The following MOSPD2 variants were observed in gnomAD, a reference collection of about 807,000 sequenced individuals.
MOSPD2 encodes the protein motile sperm domain containing 2.
Under a neutral mutation model 41.7 loss-of-function variants are expected in MOSPD2, and 5 were observed. That is an observed-to-expected ratio of 0.12 (90% CI 0.06 to 0.25). The LOEUF is 0.25. MOSPD2 is among the 10% of genes least tolerant of loss of function. The pLI is 1.00. For synonymous variants in MOSPD2, 115 were observed against 126.9 expected (o/e 0.91, Z 0.63); for missense variants, 282 against 375.2 (o/e 0.75, Z 2.05).
intron 7 of MOSPD2, among the ~76,000 whole-genome samples, chrX:14,904,244 G>A (rs1040129903): frequency 2.7e-5 from 3 of 111,586 alleles, no homozygotes; most frequent in Admixed American, 9.6e-5. Flanking sequence ...AGCCCTCAAC[G>A]AAGTACTAGC....
chrX:14,888,754 G>A (rs1382430698), intron 2 of MOSPD2, among the ~76,000 whole-genome samples: 1 of 107,992 alleles, frequency 9.3e-6, no homozygotes, highest in East Asian at 2.8e-4. Context: ...TCAAAAAAAT[G>A]TCCTAGGGGT....
At position 14,912,341 on chromosome X, in the gene MOSPD2, A is replaced by C. The variant is rs2092593388; in HGVS notation, c.972A>C (p.Lys324Asn). ...KAFKKPLSVF[K>N]GPLLHISPAE... is the part of the protein sequence containing the mutation. ...TCAAGAAACCATTGAGTGTATTTAA[A>C]GGCCCCTTACTACACATCAGGTAAT... The change falls in exon 10 of 15, where the codon AAA becomes AAC. Residue 324 changes from lysine (K) to asparagine (N), a missense_variant. Physicochemically the swap from Lys to Asn is moderately conservative, Grantham distance 94. Around this residue, in one of 3 missense-constraint regions of MOSPD2, gnomAD observed 187 missense variants for 256.6 expected, o/e 0.73. Coordinates refer to ENST00000380492, the MANE Select transcript of MOSPD2 (RefSeq NM_152581.4). The C allele has an allele frequency of 8.6e-7, 1 of 1,160,766 alleles. No homozygotes were observed. The highest frequency in any genetic ancestry group is 1.2e-6 in the Non-Finnish European group (1 of 865,755).
At position 14,905,475 on chromosome X, in the gene MOSPD2, C is replaced by T. The variant is rs534748175; in HGVS notation, c.577+2471C>T. Among the ~76,000 whole-genome samples, 6 of 110,195 alleles carry T rather than the reference C, an allele frequency of 5.4e-5. No homozygotes were observed. The South Asian group carries it at 2.0e-3, about 36-fold the overall frequency. Reference sequence around the variant, plus strand: ...GTATAGTATTTGCATGTAACTGACACACGTCTTCCTGTATACCTTTTTTTT... The same window carrying T: ...GTATAGTATTTGCATGTAACTGACATACGTCTTCCTGTATACCTTTTTTTT... On this transcript the variant is annotated intron_variant, in intron 7 of 14. Coordinates refer to ENST00000380492, the MANE Select transcript of MOSPD2 (RefSeq NM_152581.4).
chrX:14,880,500 T>G (rs1260346873), intron 2 of MOSPD2, among the ~76,000 whole-genome samples: 1 of 112,179 alleles, frequency 8.9e-6, no homozygotes, highest in African/African-American at 3.2e-5. Context: ...GCTGGAACTT[T>G]TATAACACTG....
In MOSPD2 at chrX:14,892,839, G is replaced by A. The variant is rs771780826; in HGVS notation, c.196G>A (p.Asp66Asn). The A allele has an allele frequency of 1.2e-5, 15 of 1,205,779 alleles. No individual in the cohort carries two copies. The highest frequency in any genetic ancestry group is 5.3e-5 in the South Asian group (3 of 56,524). Residue 66 changes from aspartate to asparagine, a missense_variant, in exon 3 of 15, where the codon GAT becomes AAT. Asp to Asn is a conservative substitution (Grantham distance 23). This residue lies in a region of MOSPD2 where 187 missense variants were observed against 256.6 expected (regional missense o/e 0.73). Coordinates refer to ENST00000380492, the MANE Select transcript of MOSPD2 (RefSeq NM_152581.4). ...TGTAGATGAAACACTGAAGATGCTCGATGAGAGTTTTCAGTGGAGGAAAGA... is the reference window on the plus strand; with the variant it reads ...TGTAGATGAAACACTGAAGATGCTCAATGAGAGTTTTCAGTGGAGGAAAGA... Reference protein sequence around the residue: ...NIVDETLKMLDESFQWRKEIS... With the variant: ...NIVDETLKMLNESFQWRKEIS...
chrX:14,900,479 T>C, intron 5 of MOSPD2, 96 bp from the exon 6 acceptor site: 1 of 365,474 alleles, frequency 2.7e-6, no homozygotes, highest in Non-Finnish European at 4.8e-6. Flanking sequence ...AATTTAATAA[T>C]TGTCTCACTT....
intron 12 of MOSPD2, 91 bp downstream of exon 12, chrX:14,915,855 G>T (rs1801142451): frequency 1.3e-6 from 1 of 777,963 alleles, no homozygotes; most frequent in African/African-American, 2.1e-5. Context: ...GAGATGTCAG[G>T]CTAGAATCTA....
chrX:14,891,932 C>A (rs2092554751), intron 2 of MOSPD2, among the ~76,000 whole-genome samples: 1 of 111,604 alleles, frequency 9.0e-6, no homozygotes, highest in Non-Finnish European at 1.9e-5. Flanking sequence ...TTAGTTATTT[C>A]TTTACATATG....
At chrX:14,894,316 A>ATTTTTTTTTT (rs759189386) in intron 3 of MOSPD2, among the ~76,000 whole-genome samples, 1 of 66,534 alleles carries the variant, frequency 1.5e-5, no homozygotes, top group Non-Finnish European at 2.7e-5. Flanking sequence ...TTATTGATTG[A>ATTTTTTTTTT]TTTTTTTTTT....
intron 7 of MOSPD2, among the ~76,000 whole-genome samples, chrX:14,906,283 T>C (rs906517277): frequency 5.4e-5 from 6 of 111,845 alleles, no homozygotes; most frequent in African/African-American, 1.9e-4. Context: ...ATATAAACCC[T>C]AATGTTTATT....
intron 5 of MOSPD2, among the ~76,000 whole-genome samples, chrX:14,898,886 C>T (rs2092567429): frequency 9.1e-6 from 1 of 110,462 alleles, no homozygotes; most frequent in African/African-American, 3.3e-5. Flanking sequence ...ATAAATGACC[C>T]TTTCATGAGT....
At chrX:14,919,330 T>A (rs2147506472) in intron 14 of MOSPD2, among the ~76,000 whole-genome samples, 1 of 112,219 alleles carries the variant, frequency 8.9e-6, no homozygotes, top group African/African-American at 3.2e-5. Context: ...TAATTCAGTC[T>A]TGCAGAAAAA....
At position 14,895,393 on chromosome X, in the gene MOSPD2, G is replaced by A. The variant is rs201345517; in HGVS notation, c.321G>A (p.Leu107=). The change falls in exon 4 of 15, where the codon TTG becomes TTA. Residue 107 remains leucine, a splice_region_variant and synonymous_variant. Coordinates refer to ENST00000380492, the MANE Select transcript of MOSPD2 (RefSeq NM_152581.4). ...GTTATGACAAAGAAGGTAACAAATT[G>A]TGTAAGTATATTTAATTTATGTTCT... ...LHGYDKEGNK[L]FWIRVKYHVK... is the part of the protein sequence containing the mutation. The A allele has an allele frequency of 1.3e-5, 13 of 1,020,018 alleles. No homozygotes were observed. Among genetic ancestry groups the A allele is most frequent in the Non-Finnish European group, 1.8e-5 (13 of 732,245 alleles). The allele number at this position is 1,020,018 out of a possible 1,213,427, so 84.1% of individuals were successfully genotyped here.
In MOSPD2 at chrX:14,911,218, T is replaced by G. The variant is rs1402658942; in HGVS notation, c.703-19T>G. Reference sequence around the variant, plus strand: ...CTACCCACCATTTAGTAGGCTCATGTGAAATTATTTTCTTGTAGGATCCTT... The same window carrying G: ...CTACCCACCATTTAGTAGGCTCATGGGAAATTATTTTCTTGTAGGATCCTT... On this transcript the variant is annotated intron_variant, in intron 8 of 14. Coordinates refer to ENST00000380492, the MANE Select transcript of MOSPD2 (RefSeq NM_152581.4). The G allele has an allele frequency of 3.4e-6, 4 of 1,172,060 alleles. No homozygotes were observed. Among genetic ancestry groups the G allele is most frequent in the Non-Finnish European group, 4.6e-6 (4 of 873,623 alleles).
intron 2 of MOSPD2, chrX:14,874,239 C>T (rs1241491446): frequency 8.1e-6 from 1 of 123,924 alleles, no homozygotes; most frequent in Non-Finnish European, 1.7e-5. Context: ...ATAGGCCCTC[C>T]AATGCTGGAA....
chrX:14,882,185 G>A (rs1362867592), intron 2 of MOSPD2, among the ~76,000 whole-genome samples: 3 of 111,748 alleles, frequency 2.7e-5, no homozygotes, highest in East Asian at 2.8e-4. Flanking sequence ...AGCAATTTGG[G>A]TGAACTTGGA....
At chrX:14,898,620 T>C (rs1283131791) in intron 5 of MOSPD2, among the ~76,000 whole-genome samples, 1 of 112,103 alleles carries the variant, frequency 8.9e-6, no homozygotes, top group Non-Finnish European at 1.9e-5. Context: ...AAATAAATAT[T>C]CCATAAAAAT....
In MOSPD2 at chrX:14,899,514, T is replaced by TTA. The variant is rs202171136; in HGVS notation, c.478-1048_478-1047dup. ...ATAATGATTAGTTACAAAGGTATTA[T>TTA]TATATATATATATACACACAAAGGT... On this transcript the variant is annotated intron_variant, in intron 5 of 14. Transcript: ENST00000380492. 5.8e-3 allele frequency among the ~76,000 whole-genome samples: 551 copies of TTA among 94,389 alleles called. 10 individuals carry two copies. Among genetic ancestry groups the TTA allele is most frequent in the African/African-American group, 0.018 (480 of 26,114 alleles). The allele number at this position is 94,389 out of a possible 115,157, so 82.0% of individuals were successfully genotyped here.
chrX:14,884,754 A>G (rs1254657818), intron 2 of MOSPD2, among the ~76,000 whole-genome samples: 7 of 111,788 alleles, frequency 6.3e-5, no homozygotes, highest in Non-Finnish European at 1.1e-4. Flanking sequence ...CAAAACAAAT[A>G]TTAACCAAAA....
Sources: allele counts gnomAD v4.1 joint callset (sites outside exome capture counted in the v4.1 genomes callset), GRCh38; gene constraint gnomAD v4.1.1; regional missense constraint gnomAD v4.1.1; transcripts MANE v1.5; gene names NCBI Gene and HGNC (gene_info 2026-07-23, HGNC 2026-07-21).